NFIA: variants seen among roughly 807,000 people sequenced by gnomAD.
The protein encoded by NFIA is nuclear factor 1 A-type.
NFIA carries 8 observed loss-of-function variants against 62.8 expected under a neutral mutation model. The ratio of observed to expected loss-of-function variants is 0.13; its 90% CI spans 0.07 to 0.23. The LOEUF (loss-of-function observed/expected upper bound fraction) is 0.23. NFIA is among the 10% of genes least tolerant of loss of function. The pLI, the probability that NFIA is intolerant of heterozygous loss-of-function variation, is 1.00. For synonymous variants in NFIA, 235 were observed against 238.1 expected, an observed-to-expected ratio of 0.99 and a Z score of 0.12; for missense variants, 410 against 642.1, an observed-to-expected ratio of 0.64 and a Z score of 3.91.
chr1:61,386,216 C>T (rs1012649454), intron 7 of NFIA, among the ~76,000 whole-genome samples: 1 of 152,006 alleles, frequency 6.6e-6, no homozygotes, highest in Non-Finnish European at 1.5e-5. Context: ...AAGATGAGGC[C>T]AAAATTGAGG....
chr1:61,271,724 C>T (rs1008269984), intron 2 of NFIA, among the ~76,000 whole-genome samples: 1 of 152,228 alleles, frequency 6.6e-6, no homozygotes, highest in African/African-American at 2.4e-5. Flanking sequence ...CACCCCGCCA[C>T]AGCTCCCCAT....
intron 2 of NFIA, among the ~76,000 whole-genome samples, chr1:61,261,182 G>A (rs2100239117): frequency 6.6e-6 from 1 of 152,246 alleles, no homozygotes; most frequent in Non-Finnish European, 1.5e-5. Context: ...TGAATCCCAG[G>A]TTTCCTGATT....
At chr1:61,434,474 CTT>C (rs911065391) in intron 10 of NFIA, among the ~76,000 whole-genome samples, 4 of 152,164 alleles carry the variant, frequency 2.6e-5, no homozygotes, top group African/African-American at 9.7e-5. Flanking sequence ...ATGAGACACT[CTT>C]AAAATAAATT....
intron 2 of NFIA, among the ~76,000 whole-genome samples, chr1:61,164,087 A>T (rs1166708663): frequency 2.6e-5 from 4 of 152,196 alleles, no homozygotes; most frequent in African/African-American, 9.6e-5. Flanking sequence ...ACAGTGGTCT[A>T]AACAAAGATT....
rs1450148578 is a variant in NFIA at position 61,460,491 on chromosome 1, G to A, written c.*5171G>A. On this transcript the variant is annotated 3_prime_UTR_variant, in exon 11 of 11. Coordinates refer to ENST00000403491, the MANE Select transcript of NFIA (RefSeq NM_001134673.4). ...TCAATTCACTCTGCTTTCCAACAGT[G>A]TAAATGCATAGCAGTGTTTATCTGC... The A allele has an allele frequency of 6.6e-6, 1 of 152,220 alleles. No individual in the cohort carries two copies. Among genetic ancestry groups the A allele is most frequent in the Non-Finnish European group, 1.5e-5 (1 of 68,042 alleles). The allele number at this position is 152,220 out of a possible 1,614,324, so 9.4% of individuals were successfully genotyped here. A position where few individuals can be genotyped will look rare whatever the true frequency, so the allele number is the denominator to read the frequency against.
intron 2 of NFIA, among the ~76,000 whole-genome samples, chr1:61,097,227 TG>T (rs1646432242): frequency 6.6e-6 from 1 of 152,322 alleles, no homozygotes; most frequent in Non-Finnish European, 1.5e-5. Context: ...TTTATATCTC[TG>T]GTAAGTGCTT....
At chr1:61,353,196 C>T (rs1662647196) in intron 5 of NFIA, among the ~76,000 whole-genome samples, 1 of 151,898 alleles carries the variant, frequency 6.6e-6, no homozygotes, top group Non-Finnish European at 1.5e-5. Context: ...CATTTGATAT[C>T]CTGGTGTGAG....
intron 10 of NFIA, among the ~76,000 whole-genome samples, chr1:61,433,649 C>G (rs140463629): frequency 1.3e-5 from 2 of 152,152 alleles, no homozygotes; most frequent in African/African-American, 4.8e-5. Flanking sequence ...TGATAGCTTT[C>G]ATTGTTTGGT....
intron 2 of NFIA, among the ~76,000 whole-genome samples, chr1:61,208,016 T>C (rs1653010073): frequency 6.9e-6 from 1 of 144,556 alleles, no homozygotes; most frequent in Admixed American, 7.1e-5. Flanking sequence ...TCTTCACAGA[T>C]GGATAAGGTA....
chr1:61,130,676 T>TG (rs550646822), intron 2 of NFIA, among the ~76,000 whole-genome samples: 76 of 152,144 alleles, frequency 5.0e-4, no homozygotes, highest in East Asian at 1.2e-3. Context: ...CCTGAGTGTG[T>TG]GGGGGGGCGT....
intron 2 of NFIA, among the ~76,000 whole-genome samples, chr1:61,207,703 A>G (rs775873022): frequency 3.3e-5 from 5 of 152,220 alleles, no homozygotes; most frequent in Non-Finnish European, 5.9e-5. Context: ...ACCAACAGCA[A>G]AGCGATTCAT....
chr1:61,092,773 A>G (rs1252873190), intron 2 of NFIA, among the ~76,000 whole-genome samples: 2 of 152,186 alleles, frequency 1.3e-5, no homozygotes, highest in African/African-American at 4.8e-5. Context: ...TAATAGAGAA[A>G]GCCGTGATAT....
intron 10 of NFIA, among the ~76,000 whole-genome samples, chr1:61,440,483 C>G (rs943479368): frequency 2.0e-5 from 3 of 152,144 alleles, no homozygotes; most frequent in African/African-American, 7.2e-5. Context: ...GAAGTTGTGG[C>G]TATTTTATGG....
At chr1:61,398,009 C>T (rs1166308240) in intron 7 of NFIA, among the ~76,000 whole-genome samples, 1 of 152,224 alleles carries the variant, frequency 6.6e-6, no homozygotes, top group Non-Finnish European at 1.5e-5. Flanking sequence ...AGGGGTCTGA[C>T]TCACAGAGCA....
chr1:61,347,949 C>T (rs937209998), intron 4 of NFIA, among the ~76,000 whole-genome samples: 8 of 152,158 alleles, frequency 5.3e-5, no homozygotes, highest in Non-Finnish European at 8.8e-5. Flanking sequence ...TTCAAGGCTT[C>T]GTTCTCCTCA....
intron 2 of NFIA, among the ~76,000 whole-genome samples, chr1:61,094,699 G>A (rs534234541): frequency 6.6e-6 from 1 of 152,240 alleles, no homozygotes; most frequent in East Asian, 1.9e-4. Flanking sequence ...AAACTTTTGG[G>A]TCCCTGAACT....
At chr1:61,197,575 A>G (rs1464724102) in intron 2 of NFIA, among the ~76,000 whole-genome samples, 2 of 152,038 alleles carry the variant, frequency 1.3e-5, no homozygotes, top group Non-Finnish European at 2.9e-5. Context: ...TTATACCTCA[A>G]AAACACTCTG....
At chr1:61,454,132 A>T (rs1480874584) in intron 10 of NFIA, among the ~76,000 whole-genome samples, 2 of 152,218 alleles carry the variant, frequency 1.3e-5, no homozygotes, top group Non-Finnish European at 2.9e-5. Flanking sequence ...CACCTGCCTG[A>T]AGCAACCCAA....
At chr1:61,081,759 T>A, upstream of NFIA, 1 of 1,030,526 alleles carries the variant, frequency 9.7e-7, no homozygotes, top group Non-Finnish European at 1.4e-6. Flanking sequence ...CACCCCCGCT[T>A]CTGAATGCCA....
Sources: gnomAD v4.1 joint callset for allele counts (sites outside exome capture counted in the v4.1 genomes callset) on GRCh38, gnomAD v4.1.1 for gene constraint, MANE v1.5 for transcripts, NCBI Gene and HGNC (gene_info 2026-07-23, HGNC 2026-07-21) for gene names.